GLYATL1: variants seen among roughly 807,000 people sequenced by gnomAD.
GLYATL1 encodes glycine-N-acyltransferase like 1.
Under a neutral mutation model 20.0 loss-of-function variants are expected in GLYATL1, and 15 were observed. The observed-to-expected ratio is 0.75, with a 90% CI of 0.50 to 1.15. The LOEUF is 1.15. Among genes scored for constraint, GLYATL1 ranks in the 50% most tolerant of loss-of-function variants. GLYATL1 has a pLI of 0.00. For missense variants in GLYATL1, 380 were observed against 368.5 expected, an observed-to-expected ratio of 1.03 and a Z score of -0.26; for synonymous variants, 151 against 131.5, an observed-to-expected ratio of 1.15 and a Z score of -1.01.
upstream of GLYATL1, among the ~76,000 whole-genome samples, chr11:58,924,581 T>C (rs958067195): frequency 6.6e-6 from 1 of 152,250 alleles, no homozygotes; most frequent in African/African-American, 2.4e-5. Context: ...CGTTTTTGTT[T>C]TCGGTATCAT....
chr11:58,945,202 A>T (rs1230873035), intron 2 of GLYATL1, among the ~76,000 whole-genome samples: 1 of 152,078 alleles, frequency 6.6e-6, no homozygotes, highest in Non-Finnish European at 1.5e-5. Context: ...ACGCTTAAAA[A>T]TGGTTAAACG....
At chr11:58,936,728 G>T (rs1298828974), upstream of GLYATL1, among the ~76,000 whole-genome samples, 1 of 152,214 alleles carries the variant, frequency 6.6e-6, no homozygotes, top group African/African-American at 2.4e-5. Context: ...CTCTTCCTTA[G>T]ACTCTTAGAG....
Position 58,955,819 on chromosome 11 carries a change from G to A in GLYATL1, c.701G>A (p.Ser234Asn), listed in dbSNP as rs772695973. ...TCTTGTGAAGTAGGAATGGCCTACA[G>A]CATGGAAAAATACCGAAGGACAGGC... ...DPSCEVGMAY[S>N]MEKYRRTGNM... The change falls in exon 7 of 7, where the codon AGC (serine) becomes AAC (asparagine). Residue 234 changes from serine (S) to asparagine (N), a missense_variant. By Grantham distance (46) the Ser-to-Asn change is conservative. Coordinates refer to ENST00000532726, the MANE Select transcript of GLYATL1 (RefSeq NM_001389712.2). 4.3e-6 allele frequency: 7 copies of A among 1,614,116 alleles called. No homozygotes were observed. The Admixed American group carries it at 1.0e-4, about 23-fold the overall frequency.
chr11:58,905,723 GGT>G, intron 1 of GLYATL1: 1 of 218,898 alleles, frequency 4.6e-6, no homozygotes, highest in South Asian at 3.9e-5. Flanking sequence ...GACCGGGATG[GGT>G]CATCTGGACA....
chr11:58,916,612 C>T (rs1276884381), intron 1 of GLYATL1, among the ~76,000 whole-genome samples: 2 of 152,208 alleles, frequency 1.3e-5, no homozygotes, highest in Non-Finnish European at 2.9e-5. Context: ...CCACCTCAGA[C>T]CCTGTCCTGG....
Position 58,916,600 on chromosome 11 carries a change from G to T in GLYATL1, n.264+10939G>T, listed in dbSNP as rs576476822. Among the ~76,000 whole-genome samples, 4 of 152,292 alleles carry T rather than the reference G, an allele frequency of 2.6e-5. No individual in the cohort carries two copies. The South Asian group carries it at 8.3e-4, about 32-fold the overall frequency. On this transcript the variant is annotated intron_variant and non_coding_transcript_variant, in intron 1 of 2. Coordinates refer to the GLYATL1 transcript ENST00000534674. ...ATCTGGGACTGGCACTGAATCCTCAGTCCACCTCAGACCCTGTCCTGGCCC... is the reference window on the plus strand; with the variant it reads ...ATCTGGGACTGGCACTGAATCCTCATTCCACCTCAGACCCTGTCCTGGCCC...
downstream of GLYATL1, among the ~76,000 whole-genome samples, chr11:58,909,449 G>T (rs1854986850): frequency 6.6e-6 from 1 of 152,258 alleles, no homozygotes; most frequent in African/African-American, 2.4e-5. Context: ...GTGATAGATA[G>T]GTTGATGTCA....
intron 4 of GLYATL1, among the ~76,000 whole-genome samples, chr11:58,954,057 A>G (rs1015424864): frequency 1.1e-4 from 17 of 152,196 alleles, no homozygotes; most frequent in African/African-American, 3.6e-4. Context: ...AGCCAGTGTC[A>G]CTTTTCAAAT....
intron 1 of GLYATL1, among the ~76,000 whole-genome samples, chr11:58,915,411 A>G (rs1855148353): frequency 6.6e-6 from 1 of 152,134 alleles, no homozygotes; most frequent in African/African-American, 2.4e-5. Context: ...CCAGAGCTAT[A>G]GATGGAAGAG....
upstream of GLYATL1, among the ~76,000 whole-genome samples, chr11:58,926,441 A>G (rs1342409614): frequency 6.6e-6 from 1 of 152,216 alleles, no homozygotes; most frequent in Non-Finnish European, 1.5e-5. Flanking sequence ...GAAAAAGAGT[A>G]CACAGAGTGT....
intron 1 of GLYATL1, chr11:58,933,970 A>AT (rs1284335004): frequency 1.3e-5 from 2 of 152,386 alleles, no homozygotes; most frequent in African/African-American, 4.8e-5. Flanking sequence ...CGTAAAGCCA[A>AT]TTTCTATAAG....
intron 2 of GLYATL1, among the ~76,000 whole-genome samples, chr11:58,946,271 T>C (rs1369095477): frequency 4.6e-5 from 7 of 152,234 alleles, no homozygotes; most frequent in Non-Finnish European, 7.3e-5. Flanking sequence ...GTAATCTCAA[T>C]CCTTTGGAAA....
Position 58,942,049 on chromosome 11 carries a change from A to G in GLYATL1, c.-166-1494A>G, listed in dbSNP as rs142202502. 1.9e-3 allele frequency among the ~76,000 whole-genome samples: 295 copies of G among 152,342 alleles called. 1 individual carries two copies. Among genetic ancestry groups the G allele is most frequent in the African/African-American group, 6.6e-3 (276 of 41,586 alleles). Reference sequence around the variant, plus strand: ...AACACAAGCTTTCTGGGTCAAAGACAGAGTTTTATGACTCATTCAACAGGG... The same window carrying G: ...AACACAAGCTTTCTGGGTCAAAGACGGAGTTTTATGACTCATTCAACAGGG... On this transcript the variant is annotated intron_variant, in intron 1 of 6. Coordinates refer to ENST00000532726, the MANE Select transcript of GLYATL1 (RefSeq NM_001389712.2).
intron 1 of GLYATL1, among the ~76,000 whole-genome samples, chr11:58,942,107 T>C (rs181210150): frequency 2.0e-5 from 3 of 152,340 alleles, no homozygotes; most frequent in East Asian, 3.9e-4. Flanking sequence ...CAGTCATCCT[T>C]GCTCCACAAG....
rs182782251 is a variant in GLYATL1, at chr11:58,955,414, A to T, written c.491+61A>T. 4.7e-4 allele frequency: 707 copies of T among 1,499,058 alleles called. 8 individuals are homozygous for T. The East Asian group carries it at 0.014, about 30-fold the overall frequency. The allele number at this position is 1,499,058 out of a possible 1,614,324, so 92.9% of individuals were successfully genotyped here. A position where few individuals can be genotyped will look rare whatever the true frequency, so the allele number is the denominator to read the frequency against. ...TTCCTTGTACATTTTTGTAATTCAC[A>T]TAAATCAGTTTTGGAATGAAGAGAG... On this transcript the variant is annotated intron_variant, in intron 6 of 6. Transcript: ENST00000532726.
At chr11:58,916,698 T>C (rs967973963) in intron 1 of GLYATL1, among the ~76,000 whole-genome samples, 1 of 152,250 alleles carries the variant, frequency 6.6e-6, no homozygotes, top group African/African-American at 2.4e-5. Context: ...CCAGTCCTCC[T>C]CCTGTTACCA....
intron 4 of GLYATL1, among the ~76,000 whole-genome samples, chr11:58,948,381 G>A (rs776396874): frequency 2.0e-5 from 3 of 152,196 alleles, no homozygotes; most frequent in Non-Finnish European, 4.4e-5. Flanking sequence ...TCTTCTACCT[G>A]TAATCCCAGC....
chr11:58,946,944 A>G (rs1348800182), intron 2 of GLYATL1, 102 bp from the exon 3 acceptor site: 4 of 833,156 alleles, frequency 4.8e-6, no homozygotes, highest in Non-Finnish European at 6.3e-6. Context: ...TATGATACTA[A>G]CAGTACCTAC....
Position 58,947,199 on chromosome 11 carries a change from T to G in GLYATL1, c.78+34T>G, listed in dbSNP as rs530747010. 5.0e-6 allele frequency: 8 copies of G among 1,603,354 alleles called. No homozygotes were observed. In the Admixed American group the frequency reaches 5.1e-5, roughly 10 times the overall value. Reference sequence around the variant, plus strand: ...ACAGTGGGAGGTCAGGGTATGGGAGTAGGGGTGTTGAGGATGAGAAAATAG... The same window carrying G: ...ACAGTGGGAGGTCAGGGTATGGGAGGAGGGGTGTTGAGGATGAGAAAATAG... On this transcript the variant is annotated intron_variant, in intron 3 of 6. Transcript: ENST00000532726.
Sources: allele counts gnomAD v4.1 joint callset (sites outside exome capture counted in the v4.1 genomes callset), GRCh38; gene constraint gnomAD v4.1.1; transcripts MANE v1.5; gene names NCBI Gene and HGNC (gene_info 2026-07-23, HGNC 2026-07-21).